PEX5L: variants seen among roughly 807,000 people sequenced by gnomAD.
The protein encoded by PEX5L is PEX5-related protein.
In PEX5L, 30 loss-of-function variants were observed where a neutral mutation model predicts 84.0. The observed-to-expected ratio is 0.36, with a 90% CI of 0.27 to 0.48. PEX5L has a LOEUF of 0.48. Among genes scored for constraint, PEX5L ranks in the 20% least tolerant of loss-of-function variants. The probability of loss-of-function intolerance (pLI) is 0.99; values close to 1 mark genes in which losing one functional copy is unlikely to be tolerated. For missense variants in PEX5L, 533 were observed against 754.6 expected, an observed-to-expected ratio of 0.71 and a Z score of 3.44; for synonymous variants, 270 against 283.1, an observed-to-expected ratio of 0.95 and a Z score of 0.46.
chr3:179,977,464 A>G (rs568957947), intron 1 of PEX5L, among the ~76,000 whole-genome samples: 1 of 152,148 alleles, frequency 6.6e-6, no homozygotes, highest in Admixed American at 6.5e-5. Flanking sequence ...AAAGCTTCTC[A>G]GTTCTTTGAC....
intron 8 of PEX5L, 63 bp downstream of exon 8, chr3:179,858,999 T>C: frequency 9.8e-7 from 1 of 1,018,248 alleles, no homozygotes; most frequent in South Asian, 1.3e-5. Context: ...TGCTGAAGTT[T>C]GATTTTTCAA....
At chr3:179,870,673 T>C (rs6772086) in intron 7 of PEX5L, among the ~76,000 whole-genome samples, 42,425 of 152,128 alleles carry the variant, frequency 0.28, 6,541 homozygotes, top group East Asian at 0.61. Context: ...CTCTCCTCTA[T>C]GAAGAGGATA....
chr3:179,890,589 C>T (rs1307826448), intron 3 of PEX5L, among the ~76,000 whole-genome samples: 1 of 152,068 alleles, frequency 6.6e-6, no homozygotes, highest in Non-Finnish European at 1.5e-5. Flanking sequence ...GAAATATCAA[C>T]GTTATGTAGG....
At chr3:179,896,455 A>G (rs1759330705) in intron 3 of PEX5L, among the ~76,000 whole-genome samples, 1 of 152,162 alleles carries the variant, frequency 6.6e-6, no homozygotes, top group Non-Finnish European at 1.5e-5. Context: ...GTACAAACAA[A>G]TGTCCTGGAT....
chr3:179,944,770 A>G (rs1777080025), intron 2 of PEX5L, among the ~76,000 whole-genome samples: 1 of 152,232 alleles, frequency 6.6e-6, no homozygotes, highest in South Asian at 2.1e-4. Context: ...ACATTTGTTG[A>G]GCACCTACAG....
chr3:179,966,864 G>C (rs1238160514), intron 2 of PEX5L, among the ~76,000 whole-genome samples: 1 of 152,174 alleles, frequency 6.6e-6, no homozygotes, highest in Non-Finnish European at 1.5e-5. Context: ...GCTAAGATGA[G>C]TATGTGTTGT....
intron 2 of PEX5L, among the ~76,000 whole-genome samples, chr3:179,954,149 G>C (rs1335766472): frequency 2.7e-5 from 4 of 145,588 alleles, no homozygotes; most frequent in Admixed American, 2.1e-4. Context: ...TACCTGCCTT[G>C]GATACATTTA....
At chr3:180,029,217 C>A (rs1034249920) in intron 1 of PEX5L, among the ~76,000 whole-genome samples, 1 of 151,890 alleles carries the variant, frequency 6.6e-6, no homozygotes. Flanking sequence ...TTAATAGAGA[C>A]GGGGTTTCAC....
At chr3:179,847,549 T>C (rs1259211695) in intron 8 of PEX5L, among the ~76,000 whole-genome samples, 1 of 152,218 alleles carries the variant, frequency 6.6e-6, no homozygotes, top group Non-Finnish European at 1.5e-5. Context: ...TCAAGATGTC[T>C]CTTTGCCCAC....
At chr3:179,935,430 T>C (rs1429773888) in intron 2 of PEX5L, among the ~76,000 whole-genome samples, 2 of 152,236 alleles carry the variant, frequency 1.3e-5, no homozygotes, top group African/African-American at 4.8e-5. Flanking sequence ...CGTATATATT[T>C]CTGTTATTTA....
At chr3:179,935,869 G>T in intron 2 of PEX5L, among the ~76,000 whole-genome samples, 1 of 152,156 alleles carries the variant, frequency 6.6e-6, no homozygotes, top group East Asian at 1.9e-4. Flanking sequence ...AGAATGGGTT[G>T]CTATAAAGTG....
chr3:179,818,660 A>C (rs1727178887), intron 9 of PEX5L, among the ~76,000 whole-genome samples: 1 of 146,702 alleles, frequency 6.8e-6, no homozygotes, highest in East Asian at 2.0e-4. Context: ...ACATGAGTTC[A>C]TTTGTTTTAA....
chr3:179,868,726 G>A (rs1316051880), intron 7 of PEX5L, among the ~76,000 whole-genome samples: 1 of 152,078 alleles, frequency 6.6e-6, no homozygotes, highest in Non-Finnish European at 1.5e-5. Flanking sequence ...ACCTGCCAGA[G>A]GCTTCATCTA....
intron 1 of PEX5L, among the ~76,000 whole-genome samples, chr3:180,031,109 A>T (rs1338647408): frequency 7.0e-6 from 1 of 142,106 alleles, no homozygotes; most frequent in African/African-American, 2.8e-5. Flanking sequence ...CTAATAAAAA[A>T]ATAGTATATT....
intron 2 of PEX5L, among the ~76,000 whole-genome samples, chr3:179,929,836 G>T (rs971381263): frequency 3.3e-5 from 5 of 152,112 alleles, no homozygotes; most frequent in Non-Finnish European, 5.9e-5. Flanking sequence ...ATCTGTCCCG[G>T]TGACCTGCGT....
intron 1 of PEX5L, among the ~76,000 whole-genome samples, chr3:180,022,732 A>C (rs1350189165): frequency 1.3e-5 from 2 of 152,196 alleles, no homozygotes; most frequent in African/African-American, 2.4e-5. Flanking sequence ...GATTAATCCC[A>C]TAGCCTCAAT....
intron 1 of PEX5L, among the ~76,000 whole-genome samples, chr3:179,993,906 T>C (rs1172226758): frequency 6.6e-6 from 1 of 152,222 alleles, no homozygotes; most frequent in Admixed American, 6.5e-5. Flanking sequence ...ACATGTTCAA[T>C]GCACACACTT....
chr3:179,910,242 T>C (rs1764706165), intron 2 of PEX5L, among the ~76,000 whole-genome samples: 1 of 152,176 alleles, frequency 6.6e-6, no homozygotes, highest in Non-Finnish European at 1.5e-5. Flanking sequence ...TAAATGTAAA[T>C]GAAGATTGTA....
intron 2 of PEX5L, chr3:179,900,847 G>T (rs1488028667): frequency 4.4e-6 from 3 of 685,676 alleles, no homozygotes; most frequent in Non-Finnish European, 7.7e-6. Flanking sequence ...TTACAAGTGC[G>T]GTACAGTCTG....
Sources: gnomAD v4.1 joint callset for allele counts (sites outside exome capture counted in the v4.1 genomes callset) on GRCh38, gnomAD v4.1.1 for gene constraint, MANE v1.5 for transcripts, NCBI Gene and HGNC (gene_info 2026-07-23, HGNC 2026-07-21) for gene names.